KCNQ3: variants seen among roughly 807,000 people sequenced by gnomAD.
KCNQ3 encodes the protein potassium voltage-gated channel subfamily Q member 3, also known as potassium voltage-gated channel subfamily KQT member 3.
A neutral mutation model predicts 92.5 loss-of-function variants in KCNQ3; 30 were observed. The observed-to-expected ratio is 0.32, with a 90% CI of 0.24 to 0.44. The LOEUF is 0.44. Ranked by LOEUF, KCNQ3 falls within the 20% of genes least tolerant of loss-of-function variation. The pLI is 1.00. For missense variants in KCNQ3, 913 were observed against 1,140.3 expected (o/e 0.80, Z 2.87); for synonymous variants, 450 against 468.8 (o/e 0.96, Z 0.52).
chr8:132,260,631 T>A (rs1449899494), intron 1 of KCNQ3, among the ~76,000 whole-genome samples: 1 of 152,172 alleles, frequency 6.6e-6, no homozygotes, highest in East Asian at 1.9e-4. Flanking sequence ...TTGAAATTCA[T>A]GGTGGTATTT....
chr8:132,203,649 T>C (rs1827530846), intron 1 of KCNQ3, among the ~76,000 whole-genome samples: 1 of 152,196 alleles, frequency 6.6e-6, no homozygotes, highest in African/African-American at 2.4e-5. Flanking sequence ...GCATTATTTA[T>C]TGCTGTGTGA....
chr8:132,406,998 C>T (rs1453639760), intron 1 of KCNQ3, among the ~76,000 whole-genome samples: 1 of 152,194 alleles, frequency 6.6e-6, no homozygotes, highest in Non-Finnish European at 1.5e-5. Flanking sequence ...ACAGAGCCAG[C>T]CCCTGTGCCC....
intron 1 of KCNQ3, among the ~76,000 whole-genome samples, chr8:132,476,852 A>G (rs1822424514): frequency 6.6e-6 from 1 of 152,172 alleles, no homozygotes; most frequent in Non-Finnish European, 1.5e-5. Flanking sequence ...GCAGGGGCAG[A>G]ATGATATGTT....
At chr8:132,331,289 C>A (rs13255429) in intron 1 of KCNQ3, among the ~76,000 whole-genome samples, 64,418 of 151,948 alleles carry the variant, frequency 0.42, 14,001 homozygotes, top group Non-Finnish European at 0.48. Context: ...CAACCTCAGG[C>A]TCTCTGCTTC....
intron 1 of KCNQ3, among the ~76,000 whole-genome samples, chr8:132,347,067 G>A (rs1394021160): frequency 6.6e-6 from 1 of 152,158 alleles, no homozygotes; most frequent in African/African-American, 2.4e-5. Context: ...GATTCACGCA[G>A]GTAGGATACC....
chr8:132,329,604 C>T (rs1818171418), intron 1 of KCNQ3, among the ~76,000 whole-genome samples: 1 of 152,180 alleles, frequency 6.6e-6, no homozygotes, highest in Admixed American at 6.5e-5. Flanking sequence ...GTCCTTCCCA[C>T]ATCCCAAGGC....
At position 132,226,270 on chromosome 8, in the gene KCNQ3, CA is replaced by C. The variant is rs35424607; in HGVS notation, c.387-40090del. Among the ~76,000 whole-genome samples the C allele has an allele frequency of 7.4e-3, 972 of 131,740 alleles. 4 individuals carry two copies. The highest frequency in any genetic ancestry group is 0.019 in the South Asian group (81 of 4,160). The allele number at this position is 131,740 out of a possible 152,430, so 86.4% of individuals were successfully genotyped here. ...TGGGTGAGAGAGCATGATTCTGTCTCAAAAAAAAAAAAAAATCATGGAGGAT... is the reference window on the plus strand; with the variant it reads ...TGGGTGAGAGAGCATGATTCTGTCTCAAAAAAAAAAAAAATCATGGAGGAT... On this transcript the variant is annotated intron_variant, in intron 1 of 14. Coordinates refer to ENST00000388996, the MANE Select transcript of KCNQ3 (RefSeq NM_004519.4).
chr8:132,219,010 T>TC (rs1378026537), intron 1 of KCNQ3, among the ~76,000 whole-genome samples: 1 of 152,178 alleles, frequency 6.6e-6, no homozygotes, highest in African/African-American at 2.4e-5. Flanking sequence ...AGCATCTCTG[T>TC]CCCACAAAAC....
intron 1 of KCNQ3, among the ~76,000 whole-genome samples, chr8:132,454,772 G>A (rs1821900798): frequency 6.6e-6 from 1 of 152,094 alleles, no homozygotes; most frequent in Non-Finnish European, 1.5e-5. Context: ...ATAGCCAAAA[G>A]GTGGAAATGA....
intron 1 of KCNQ3, among the ~76,000 whole-genome samples, chr8:132,296,724 AT>A (rs1444596167): frequency 2.6e-5 from 4 of 151,876 alleles, no homozygotes; most frequent in Non-Finnish European, 4.4e-5. Context: ...TGAACTCTTC[AT>A]TTTTCATGGC....
chr8:132,291,745 G>A (rs1816840943), intron 1 of KCNQ3, among the ~76,000 whole-genome samples: 1 of 152,130 alleles, frequency 6.6e-6, no homozygotes, highest in South Asian at 2.1e-4. Context: ...CCAAATTGTT[G>A]GGGTGATCCA....
chr8:132,349,148 C>G (rs1818785185), intron 1 of KCNQ3, among the ~76,000 whole-genome samples: 1 of 152,172 alleles, frequency 6.6e-6, no homozygotes, highest in African/African-American at 2.4e-5. Context: ...ATTGTCAGAG[C>G]TGGAAGAGAC....
At chr8:132,345,333 C>A (rs767855354) in intron 1 of KCNQ3, among the ~76,000 whole-genome samples, 4 of 152,112 alleles carry the variant, frequency 2.6e-5, no homozygotes, top group Non-Finnish European at 5.9e-5. Context: ...ACATTTGGAA[C>A]CTTGAAAAGA....
intron 1 of KCNQ3, among the ~76,000 whole-genome samples, chr8:132,313,632 A>G (rs1348399202): frequency 6.6e-6 from 1 of 152,202 alleles, no homozygotes; most frequent in African/African-American, 2.4e-5. Flanking sequence ...TGACATGAGG[A>G]AATATCTTAC....
chr8:132,401,429 G>T (rs1820329984), intron 1 of KCNQ3, among the ~76,000 whole-genome samples: 1 of 151,852 alleles, frequency 6.6e-6, no homozygotes, highest in African/African-American at 2.4e-5. Context: ...AGGCTGGAGT[G>T]CAGTGGCACG....
intron 6 of KCNQ3, among the ~76,000 whole-genome samples, chr8:132,173,069 G>T (rs1826435118): frequency 6.6e-6 from 1 of 152,130 alleles, no homozygotes; most frequent in Non-Finnish European, 1.5e-5. Flanking sequence ...GCCAGTAAGG[G>T]GTACTGCACA....
chr8:132,388,300 T>C (rs917485143), intron 1 of KCNQ3, among the ~76,000 whole-genome samples: 81 of 152,320 alleles, frequency 5.3e-4, no homozygotes, highest in African/African-American at 1.9e-3. Flanking sequence ...TAACAATATG[T>C]ATAAATATTC....
intron 1 of KCNQ3, among the ~76,000 whole-genome samples, chr8:132,327,510 T>G (rs1407648038): frequency 1.3e-5 from 2 of 152,114 alleles, no homozygotes; most frequent in Non-Finnish European, 2.9e-5. Context: ...CTGTCCTGGC[T>G]CTGGCTTTTG....
intron 3 of KCNQ3, among the ~76,000 whole-genome samples, chr8:132,182,058 A>G (rs1167722114): frequency 6.8e-6 from 1 of 147,580 alleles, no homozygotes; most frequent in African/African-American, 2.5e-5. Context: ...AAAAAAAAAA[A>G]CCATAAAAAA....
Sources: gnomAD v4.1 joint callset for allele counts (sites outside exome capture counted in the v4.1 genomes callset) on GRCh38, gnomAD v4.1.1 for gene constraint, MANE v1.5 for transcripts, NCBI Gene and HGNC (gene_info 2026-07-23, HGNC 2026-07-21) for gene names.